Variants in ESRRG observed in about 807,000 individuals in gnomAD.
ESRRG encodes estrogen-related receptor gamma.
ESRRG carries 13 observed loss-of-function variants against 44.0 expected under a neutral mutation model. The observed-to-expected ratio is 0.30, with a 90% confidence interval of 0.19 to 0.47. ESRRG has a LOEUF of 0.47. Among genes scored for constraint, ESRRG ranks in the 20% least tolerant of loss-of-function variants. The pLI is 1.00. For synonymous variants in ESRRG, 215 were observed against 214.6 expected, an observed-to-expected ratio of 1.00 and a Z score of -0.02; for missense variants, 395 against 580.6, an observed-to-expected ratio of 0.68 and a Z score of 3.29.
In ESRRG at chr1:216,966,005, G is replaced by A. The variant is rs536836669; in HGVS notation, c.-105-26332C>T. 5.9e-5 allele frequency among the ~76,000 whole-genome samples: 9 copies of A among 152,210 alleles called. 1 individual carries two copies. The highest frequency in any genetic ancestry group is 3.9e-4 in the East Asian group (2 of 5,174). ...GCCTGAAAGTCTGCATTTCTAATGC[G>A]CTCCAAAATGATACTGACACTGCTG... is the stretch of plus-strand genomic sequence containing the variant. On this transcript the variant is annotated intron_variant, in intron 1 of 7. Transcript: ENST00000359162.
At chr1:216,632,110 C>T (rs2064325470) in intron 3 of ESRRG, among the ~76,000 whole-genome samples, 1 of 152,230 alleles carries the variant, frequency 6.6e-6, no homozygotes, top group Non-Finnish European at 1.5e-5. Context: ...CATACTCTAT[C>T]CAGTGTACTA....
chr1:217,109,541 G>A (rs1157730916), intron 1 of ESRRG, among the ~76,000 whole-genome samples: 1 of 152,176 alleles, frequency 6.6e-6, no homozygotes, highest in Non-Finnish European at 1.5e-5. Flanking sequence ...GAGCCCAGGA[G>A]ATAGCAAACA....
intron 3 of ESRRG, among the ~76,000 whole-genome samples, chr1:216,575,874 A>G (rs1272854953): frequency 1.3e-5 from 2 of 152,118 alleles, no homozygotes; most frequent in African/African-American, 4.8e-5. Context: ...AACTAGCAGG[A>G]GGAAAAAATA....
At chr1:216,737,122 G>A (rs1221729735) in intron 2 of ESRRG, among the ~76,000 whole-genome samples, 1 of 152,138 alleles carries the variant, frequency 6.6e-6, no homozygotes, top group Admixed American at 6.5e-5. Flanking sequence ...AGAGGAATGT[G>A]GTCCTTGGAC....
chr1:216,815,722 G>A (rs191965165), intron 2 of ESRRG, among the ~76,000 whole-genome samples: 1 of 152,144 alleles, frequency 6.6e-6, no homozygotes, highest in African/African-American at 2.4e-5. Context: ...GATTTCCGCC[G>A]CACTGAACAC....
intron 2 of ESRRG, among the ~76,000 whole-genome samples, chr1:216,734,904 CTTTTTTTTTT>C (rs11309409): frequency 1.0e-5 from 1 of 100,374 alleles, no homozygotes; most frequent in Non-Finnish European, 1.9e-5. Flanking sequence ...GTTCCATATT[CTTTTTTTTTT>C]TTTTTTTTTT....
intron 2 of ESRRG, among the ~76,000 whole-genome samples, chr1:216,870,838 C>G (rs990056043): frequency 4.0e-5 from 6 of 151,400 alleles, no homozygotes; most frequent in African/African-American, 1.5e-4. Flanking sequence ...TGATGATATC[C>G]CCTATTTATT....
intron 2 of ESRRG, among the ~76,000 whole-genome samples, chr1:216,895,388 CAT>C (rs1302976791): frequency 6.6e-6 from 1 of 152,066 alleles, no homozygotes; most frequent in African/African-American, 2.4e-5. Flanking sequence ...CACATCATGA[CAT>C]ATATGGGGAT....
At chr1:217,008,819 T>C (rs1048955074) in intron 1 of ESRRG, among the ~76,000 whole-genome samples, 2 of 152,146 alleles carry the variant, frequency 1.3e-5, no homozygotes, top group Non-Finnish European at 2.9e-5. Context: ...GAGACCTAGT[T>C]AAATAGACTA....
intron 2 of ESRRG, among the ~76,000 whole-genome samples, chr1:216,884,383 T>C (rs988693689): frequency 1.3e-5 from 2 of 152,252 alleles, no homozygotes; most frequent in African/African-American, 4.8e-5. Flanking sequence ...AAACATTTAC[T>C]GAGAGCCTAC....
At chr1:216,982,130 G>A (rs890778464) in intron 1 of ESRRG, among the ~76,000 whole-genome samples, 6 of 152,092 alleles carry the variant, frequency 3.9e-5, no homozygotes, top group African/African-American at 1.4e-4. Flanking sequence ...AAAGATGGGT[G>A]ATTTTTAAAT....
At chr1:216,992,581 C>T (rs17044824) in intron 1 of ESRRG, among the ~76,000 whole-genome samples, 17,039 of 152,204 alleles carry the variant, frequency 0.11, 1,322 homozygotes, top group Admixed American at 0.23. Flanking sequence ...AGATATTTAA[C>T]CACACAAAAC....
chr1:216,956,339 A>G (rs1258517214), intron 1 of ESRRG, among the ~76,000 whole-genome samples: 9 of 152,154 alleles, frequency 5.9e-5, no homozygotes. Context: ...AACTTCAGAA[A>G]CATCCTAAAC....
chr1:217,034,132 CA>C (rs2082477800), intron 1 of ESRRG, among the ~76,000 whole-genome samples: 1 of 152,020 alleles, frequency 6.6e-6, no homozygotes, highest in Admixed American at 6.6e-5. Flanking sequence ...ATAGGACCTA[CA>C]AAACAGTTAT....
At chr1:216,809,410 G>GCTA (rs1223793951) in intron 2 of ESRRG, among the ~76,000 whole-genome samples, 2 of 151,096 alleles carry the variant, frequency 1.3e-5, no homozygotes, top group South Asian at 4.2e-4. Flanking sequence ...GGGGACAATA[G>GCTA]CTAGCTCCAT....
intron 2 of ESRRG, among the ~76,000 whole-genome samples, chr1:216,926,412 GAAA>G (rs35546963): frequency 4.5e-4 from 58 of 127,872 alleles, no homozygotes; most frequent in South Asian, 4.9e-4. Context: ...TAACACCTAT[GAAA>G]AAAAAAAAAA....
chr1:217,011,591 G>A (rs540244647), intron 1 of ESRRG, among the ~76,000 whole-genome samples: 4 of 150,530 alleles, frequency 2.7e-5, no homozygotes, highest in South Asian at 4.2e-4. Context: ...TTCACTCCTC[G>A]TTTCAGTAGG....
intron 1 of ESRRG, among the ~76,000 whole-genome samples, chr1:217,011,818 C>T (rs1433521842): frequency 6.6e-6 from 1 of 152,164 alleles, no homozygotes; most frequent in East Asian, 1.9e-4. Flanking sequence ...CAGGCTCACC[C>T]TCTGGCCCAC....
intron 1 of ESRRG, among the ~76,000 whole-genome samples, chr1:216,970,787 C>G (rs888328479): frequency 6.6e-6 from 1 of 152,184 alleles, no homozygotes; most frequent in Non-Finnish European, 1.5e-5. Context: ...AGATACCTTA[C>G]TCTTCTCAAA....
Sources: allele counts gnomAD v4.1 joint callset (sites outside exome capture counted in the v4.1 genomes callset), GRCh38; gene constraint gnomAD v4.1.1; transcripts MANE v1.5; gene names NCBI Gene and HGNC (gene_info 2026-07-23, HGNC 2026-07-21).